Variants in PTPRD observed in about 807,000 individuals in gnomAD.
PTPRD encodes the protein protein tyrosine phosphatase receptor type D, also known as receptor-type tyrosine-protein phosphatase delta.
Under a neutral mutation model 214.5 loss-of-function variants are expected in PTPRD, and 34 were observed. That is an observed-to-expected ratio of 0.16 (90% confidence interval 0.12 to 0.21). The LOEUF is 0.21. Ranked by LOEUF, PTPRD falls within the 10% of genes least tolerant of loss-of-function variation. The pLI, the probability that PTPRD is intolerant of heterozygous loss-of-function variation, is 1.00. For missense variants in PTPRD, 2,545 were observed against 2,398.7 expected, an observed-to-expected ratio of 1.06 and a Z score of -1.27; for synonymous variants, 1,128 against 845.7, an observed-to-expected ratio of 1.33 and a Z score of -5.79.
At chr9:9,355,368 C>A (rs1375331728) in intron 9 of PTPRD, among the ~76,000 whole-genome samples, 1 of 123,604 alleles carries the variant, frequency 8.1e-6, no homozygotes, top group Non-Finnish European at 1.7e-5. Context: ...TGGTTTGGAC[C>A]AGTTTTAGGA....
At chr9:8,680,446 ACAT>A (rs1357341183) in intron 12 of PTPRD, among the ~76,000 whole-genome samples, 1 of 152,170 alleles carries the variant, frequency 6.6e-6, no homozygotes, top group African/African-American at 2.4e-5. Flanking sequence ...TCTCTTTCTG[ACAT>A]CATAAGTGAC....
At chr9:10,343,442 G>C (rs1439356637) in intron 2 of PTPRD, among the ~76,000 whole-genome samples, 2 of 152,094 alleles carry the variant, frequency 1.3e-5, no homozygotes, top group Non-Finnish European at 2.9e-5. Context: ...ATACATATAT[G>C]TGCATGTGTC....
At position 9,665,099 on chromosome 9, in the gene PTPRD, G is replaced by C. The variant is rs778772915; in HGVS notation, c.-287+69434C>G. 5.5e-4 allele frequency among the ~76,000 whole-genome samples: 84 copies of C among 151,634 alleles called. 2 individuals carry two copies. Among genetic ancestry groups the C allele is most frequent in the Non-Finnish European group, 2.5e-4 (17 of 67,686 alleles). ...TGATACATAAGAAAGAGTATTTTATGTGTGCATCTATGTGTGTATGTGGGG... is the reference window on the plus strand; with the variant it reads ...TGATACATAAGAAAGAGTATTTTATCTGTGCATCTATGTGTGTATGTGGGG... On this transcript the variant is annotated intron_variant, in intron 7 of 45. Transcript: ENST00000381196.
chr9:10,436,992 G>A (rs1445824928), intron 2 of PTPRD, among the ~76,000 whole-genome samples: 1 of 151,790 alleles, frequency 6.6e-6, no homozygotes, highest in African/African-American at 2.4e-5. Flanking sequence ...GCTTAACTGG[G>A]TAGTCATTTT....
intron 2 of PTPRD, among the ~76,000 whole-genome samples, chr9:10,351,433 G>C (rs2097180583): frequency 6.6e-6 from 1 of 151,908 alleles, no homozygotes; most frequent in Non-Finnish European, 1.5e-5. Context: ...CATCTTCTTT[G>C]TAGAAAAGGG....
chr9:9,262,968 G>A (rs2099980795), intron 9 of PTPRD, among the ~76,000 whole-genome samples: 1 of 151,458 alleles, frequency 6.6e-6, no homozygotes, highest in Admixed American at 6.6e-5. Context: ...CTCCCACCCT[G>A]GCCAAATGCA....
intron 8 of PTPRD, among the ~76,000 whole-genome samples, chr9:9,506,891 G>A (rs1054514767): frequency 6.6e-6 from 1 of 151,234 alleles, no homozygotes; most frequent in Non-Finnish European, 1.5e-5. Flanking sequence ...AGCAAAATTT[G>A]GAAAGCAATA....
chr9:9,438,422 T>A (rs1039042975), intron 8 of PTPRD, among the ~76,000 whole-genome samples: 3 of 152,246 alleles, frequency 2.0e-5, no homozygotes, highest in Admixed American at 6.5e-5. Flanking sequence ...TTAATTGGAA[T>A]AAAGTTCCTT....
chr9:9,519,002 G>T (rs575407989), intron 8 of PTPRD, among the ~76,000 whole-genome samples: 2 of 151,772 alleles, frequency 1.3e-5, no homozygotes, highest in African/African-American at 4.8e-5. Context: ...AAATTTTAAA[G>T]AATTGAAATA....
chr9:9,151,241 C>T (rs76072583), intron 10 of PTPRD, among the ~76,000 whole-genome samples: 5,116 of 152,180 alleles, frequency 0.034, 301 homozygotes, highest in African/African-American at 0.12. Context: ...GTTTGGGCAT[C>T]TCCTGCTCCT....
chr9:9,140,627 G>A (rs2099858645), intron 10 of PTPRD, among the ~76,000 whole-genome samples: 1 of 152,170 alleles, frequency 6.6e-6, no homozygotes, highest in Non-Finnish European at 1.5e-5. Context: ...CGCCCAGGCT[G>A]GAGTGCAGAG....
chr9:8,946,281 T>A (rs758555580), intron 11 of PTPRD, among the ~76,000 whole-genome samples: 1 of 152,168 alleles, frequency 6.6e-6, no homozygotes, highest in Non-Finnish European at 1.5e-5. Flanking sequence ...GTAGTCATCA[T>A]GGCTTGAGAT....
In PTPRD at chr9:9,063,639, C is replaced by T. The variant is rs185313964; in HGVS notation, c.-142-44904G>A. ...AACAAACACCTAGCATGTAGCAGGG[C>T]TCAAAAACATACAGTGAGTGAAAAA... On this transcript the variant is annotated intron_variant, in intron 10 of 45. Transcript: ENST00000381196. Among the ~76,000 whole-genome samples the T allele has an allele frequency of 3.0e-3, 464 of 152,252 alleles. 2 individuals carry two copies. The highest frequency in any genetic ancestry group is 0.011 in the African/African-American group (456 of 41,544).
chr9:9,707,602 ACATTTTTCTGAAGT>A (rs1280431390), intron 7 of PTPRD, among the ~76,000 whole-genome samples: 1 of 152,174 alleles, frequency 6.6e-6, no homozygotes, highest in Non-Finnish European at 1.5e-5. Context: ...GCAATAGCCT[ACATTTTTCTGAAGT>A]TATTAGCAAA....
chr9:9,780,855 A>G (rs1333349598), intron 5 of PTPRD, among the ~76,000 whole-genome samples: 1 of 152,244 alleles, frequency 6.6e-6, no homozygotes, highest in East Asian at 1.9e-4. Context: ...TCATTGATAA[A>G]ATGATATCAA....
In PTPRD at chr9:10,567,943, T is replaced by C. The variant is rs184943107; in HGVS notation, c.-600+44455A>G. The stretch of plus-strand genomic sequence containing the variant: ...TTATTTTTTATTTTTTTATTTTTTA[T>C]TTTATTTATTTGTTATTTTTTAAAA... On this transcript the variant is annotated intron_variant, in intron 2 of 45. Transcript: ENST00000381196. 1.8e-3 allele frequency among the ~76,000 whole-genome samples: 273 copies of C among 150,552 alleles called. 2 individuals are homozygous for C. The highest frequency in any genetic ancestry group is 6.4e-3 in the African/African-American group (264 of 41,430).
chr9:9,260,078 A>G (rs2099979432), intron 9 of PTPRD, among the ~76,000 whole-genome samples: 1 of 151,878 alleles, frequency 6.6e-6, no homozygotes, highest in Non-Finnish European at 1.5e-5. Context: ...AAACTGTTTT[A>G]TGAGCTTTGA....
chr9:9,494,065 A>G (rs192280285), intron 8 of PTPRD, among the ~76,000 whole-genome samples: 1 of 152,294 alleles, frequency 6.6e-6, no homozygotes, highest in Non-Finnish European at 1.5e-5. Context: ...GGAACTTCCA[A>G]TGTGGTAGAA....
chr9:8,482,310 T>G (rs1382162527), intron 30 of PTPRD, among the ~76,000 whole-genome samples: 1 of 151,868 alleles, frequency 6.6e-6, no homozygotes, highest in Non-Finnish European at 1.5e-5. Flanking sequence ...ACTACTCTAG[T>G]GTAACTCATG....
Sources: allele counts gnomAD v4.1 joint callset (sites outside exome capture counted in the v4.1 genomes callset), GRCh38; gene constraint gnomAD v4.1.1; transcripts MANE v1.5; gene names NCBI Gene and HGNC (gene_info 2026-07-23, HGNC 2026-07-21).